The following TAOK1 variants were observed in gnomAD, a reference collection of about 807,000 sequenced individuals.
The protein encoded by TAOK1 is serine/threonine-protein kinase TAO1.
Under a neutral mutation model 138.3 loss-of-function variants are expected in TAOK1, and 21 were observed. That is an observed-to-expected ratio of 0.15 (90% CI 0.11 to 0.22). The LOEUF (loss-of-function observed/expected upper bound fraction) is 0.22, where lower values mean the gene tolerates loss of function less well. Ranked by LOEUF, TAOK1 falls within the 10% of genes least tolerant of loss-of-function variation. The pLI is 1.00. For synonymous variants in TAOK1, 361 were observed against 398.4 expected, an observed-to-expected ratio of 0.91 and a Z score of 1.12; for missense variants, 651 against 1,227.7, an observed-to-expected ratio of 0.53 and a Z score of 7.02.
chr17:29,403,854 G>A (rs1479851423), intron 1 of TAOK1: 1 of 152,118 alleles, frequency 6.6e-6, no homozygotes, highest in Non-Finnish European at 1.5e-5. Context: ...ACAGGTGTGA[G>A]CCACCATGCC....
intron 1 of TAOK1, among the ~76,000 whole-genome samples, chr17:29,399,907 T>A (rs910430420): frequency 5.3e-5 from 8 of 151,972 alleles, no homozygotes; most frequent in Non-Finnish European, 4.4e-5. Context: ...TTTTTTTTTA[T>A]TTTTAGTACA....
chr17:29,488,194 T>G lies in TAOK1; in HGVS notation c.656-1470T>G, dbSNP rs1178879095. On this transcript the variant is annotated intron_variant, in intron 8 of 19. Coordinates refer to ENST00000261716, the MANE Select transcript of TAOK1 (RefSeq NM_020791.4). ...AGTTTTTGCATATAACCTATGCATA[T>G]CCTACCATATACTTTGAATAATCTC... Among the ~76,000 whole-genome samples the G allele has an allele frequency of 2.0e-5, 3 of 152,218 alleles. No individual in the cohort carries two copies. In the East Asian group the frequency reaches 5.8e-4, roughly 29 times the overall value.
chr17:29,512,756 C>T (rs1262486055), intron 15 of TAOK1: 2 of 151,296 alleles, frequency 1.3e-5, no homozygotes, highest in Admixed American at 6.6e-5. Flanking sequence ...GATCTCGGCT[C>T]ACTGCAAGCT....
chr17:29,540,481 C>T (rs1004625572), intron 19 of TAOK1, among the ~76,000 whole-genome samples: 1 of 152,214 alleles, frequency 6.6e-6, no homozygotes, highest in Non-Finnish European at 1.5e-5. Flanking sequence ...TCTCCTGCCT[C>T]AGACTCCTGA....
intron 8 of TAOK1, among the ~76,000 whole-genome samples, chr17:29,486,073 C>G (rs573808056): frequency 4.6e-5 from 7 of 152,094 alleles, no homozygotes; most frequent in African/African-American, 1.7e-4. Flanking sequence ...ATCGCTTGAG[C>G]CCAGGAGTTG....
intron 16 of TAOK1, among the ~76,000 whole-genome samples, chr17:29,521,668 C>T (rs1472195432): frequency 3.3e-5 from 5 of 152,152 alleles, no homozygotes; most frequent in Non-Finnish European, 5.9e-5. Context: ...CTGCAAGCTC[C>T]GCCTCCTGAG....
In TAOK1 at chr17:29,508,046, G is replaced by A; in HGVS notation, c.1489G>A (p.Asp497Asn). 1 of 1,614,082 alleles carries A rather than the reference G, an allele frequency of 6.2e-7. No individual in the cohort carries two copies. Among genetic ancestry groups the A allele is most frequent in the Non-Finnish European group, 8.5e-7 (1 of 1,179,990 alleles). The change falls in exon 14 of 20, where the codon GAC (aspartate) becomes AAC (asparagine). Residue 497 changes from aspartate to asparagine, a missense_variant. By Grantham distance (23) the Asp-to-Asn change is conservative (BLOSUM62 1). Around this residue, in one of 8 missense-constraint regions of TAOK1, gnomAD observed 258 missense variants for 548.9 expected, o/e 0.47. Transcript: ENST00000261716. ...AEMDEHRLRL[D>N]KDLETQRNNF... is the part of the protein sequence containing the mutation. ...GATGGATGAACATCGCCTCAGATTA[G>A]ACAAAGATCTTGAAACTCAGCGTAA...
intron 1 of TAOK1, among the ~76,000 whole-genome samples, chr17:29,402,326 G>C (rs1426873185): frequency 1.3e-5 from 2 of 151,950 alleles, no homozygotes; most frequent in East Asian, 3.9e-4. Context: ...TTTTTAAGAC[G>C]GTCTCAGTCC....
intron 3 of TAOK1, among the ~76,000 whole-genome samples, chr17:29,473,650 T>C (rs2030878185): frequency 6.6e-6 from 1 of 151,770 alleles, no homozygotes; most frequent in Non-Finnish European, 1.5e-5. Context: ...CAATGACACA[T>C]TGGCTAGATC....
chr17:29,405,907 T>C (rs1405383945), intron 1 of TAOK1, among the ~76,000 whole-genome samples: 1 of 152,176 alleles, frequency 6.6e-6, no homozygotes, highest in African/African-American at 2.4e-5. Context: ...GTTATTAAAA[T>C]AGGTTCAGTA....
At chr17:29,525,212 A>C (rs1173370518) in intron 17 of TAOK1, among the ~76,000 whole-genome samples, 3 of 152,262 alleles carry the variant, frequency 2.0e-5, no homozygotes, top group Middle Eastern at 6.8e-3. Flanking sequence ...TCCCGGGTTC[A>C]AGCAATGCTC....
At chr17:29,422,035 C>G (rs11655128) in intron 1 of TAOK1, among the ~76,000 whole-genome samples, 21,118 of 151,592 alleles carry the variant, frequency 0.14, 1,571 homozygotes, top group South Asian at 0.24. Context: ...GTAGCTGGGA[C>G]TACAGGCGCC....
Position 29,542,625 on chromosome 17 carries a change from G to T in TAOK1, c.2609G>T (p.Arg870Leu). ...RTERIRSLLE[R>L]QAREIEAFDS... ...GAACGAATACGAAGCCTGTTGGAAC[G>T]TCAAGCCAGAGAGATTGAAGCTTTT... is the stretch of plus-strand genomic sequence containing the variant. The change falls in exon 20 of 20, where the codon CGT (arginine) becomes CTT (leucine). Residue 870 changes from arginine (R) to leucine (L), a missense_variant. Coordinates refer to ENST00000261716, the MANE Select transcript of TAOK1 (RefSeq NM_020791.4). The T allele has an allele frequency of 6.2e-7, 1 of 1,614,238 alleles. No individual in the cohort carries two copies.
intron 1 of TAOK1, among the ~76,000 whole-genome samples, chr17:29,422,718 C>A (rs1417614668): frequency 6.6e-6 from 1 of 152,126 alleles, no homozygotes; most frequent in Admixed American, 6.6e-5. Flanking sequence ...ATTAGTTTGT[C>A]TACAGAGTTA....
At chr17:29,513,827 C>G (rs1435496608) in intron 15 of TAOK1, 1 of 152,148 alleles carries the variant, frequency 6.6e-6, no homozygotes, top group Non-Finnish European at 1.5e-5. Flanking sequence ...ACTTATAATC[C>G]CAGCTACTCA....
intron 15 of TAOK1, among the ~76,000 whole-genome samples, chr17:29,517,066 A>C (rs1287421745): frequency 6.6e-6 from 1 of 151,258 alleles, no homozygotes; most frequent in Non-Finnish European, 1.5e-5. Flanking sequence ...AGCTCACTGC[A>C]AGCTCCGCCT....
chr17:29,516,718 C>G (rs747598934), intron 15 of TAOK1, among the ~76,000 whole-genome samples: 13 of 152,090 alleles, frequency 8.5e-5, no homozygotes, highest in Non-Finnish European at 1.3e-4. Flanking sequence ...TCACGCTGGT[C>G]TCGAACTCCC....
intron 1 of TAOK1, among the ~76,000 whole-genome samples, chr17:29,401,803 G>T (rs1311333779): frequency 6.6e-6 from 1 of 151,952 alleles, no homozygotes; most frequent in Non-Finnish European, 1.5e-5. Flanking sequence ...ACCACGCCTG[G>T]CTAATTTTTG....
chr17:29,517,362 T>G (rs2153030375), intron 15 of TAOK1, 91 bp from the exon 16 acceptor site: 1 of 1,237,548 alleles, frequency 8.1e-7, no homozygotes, highest in East Asian at 2.4e-5. Flanking sequence ...TCAGGTGATC[T>G]GCCCACCTCG....
Sources: allele counts gnomAD v4.1 joint callset (sites outside exome capture counted in the v4.1 genomes callset), GRCh38; gene constraint gnomAD v4.1.1; regional missense constraint gnomAD v4.1.1; transcripts MANE v1.5; gene names NCBI Gene and HGNC (gene_info 2026-07-23, HGNC 2026-07-21).